Variants in XIRP2 observed in about 807,000 individuals in gnomAD.
XIRP2 encodes xin actin binding repeat containing 2.
A neutral mutation model predicts 277.0 loss-of-function variants in XIRP2; 236 were observed. The ratio of observed to expected loss-of-function variants is 0.85; its 90% CI spans 0.77 to 0.95. The LOEUF is 0.95. Among genes scored for constraint, XIRP2 ranks in the 40% least tolerant of loss-of-function variants. The probability of loss-of-function intolerance (pLI) is 0.00; values close to 1 mark genes in which losing one functional copy is unlikely to be tolerated. For synonymous variants in XIRP2, 1,490 were observed against 1,416.5 expected (o/e 1.05, Z -1.17); for missense variants, 4,640 against 4,157.5 (o/e 1.12, Z -3.19).
intron 3 of XIRP2, among the ~76,000 whole-genome samples, chr2:167,163,778 T>G (rs1008700019): frequency 3.9e-5 from 6 of 152,188 alleles, no homozygotes; most frequent in African/African-American, 1.4e-4. Flanking sequence ...AGTGTTATAG[T>G]TTTAGGTTTT....
intron 10 of XIRP2, among the ~76,000 whole-genome samples, chr2:167,255,747 G>A (rs938864898): frequency 5.3e-5 from 8 of 151,636 alleles, no homozygotes; most frequent in African/African-American, 1.9e-4. Flanking sequence ...TGCTTACCTT[G>A]ATGTTTCTGC....
At chr2:167,194,616 C>T (rs1305452386) in intron 3 of XIRP2, among the ~76,000 whole-genome samples, 1 of 152,052 alleles carries the variant, frequency 6.6e-6, no homozygotes, top group African/African-American at 2.4e-5. Context: ...AAATGAACTC[C>T]ACGTAACACT....
At chr2:166,913,574 A>G (rs574280512) in intron 2 of XIRP2, among the ~76,000 whole-genome samples, 2 of 152,188 alleles carry the variant, frequency 1.3e-5, no homozygotes, top group Non-Finnish European at 2.9e-5. Flanking sequence ...GTAGGAACAC[A>G]TGAGGCCTGT....
intron 2 of XIRP2, among the ~76,000 whole-genome samples, chr2:167,049,450 C>T (rs1688865017): frequency 6.7e-6 from 1 of 149,062 alleles, no homozygotes; most frequent in Non-Finnish European, 1.5e-5. Context: ...TTCTTGGTGG[C>T]TTTTGTTTAT....
At chr2:167,220,071 G>A (rs1234404736) in intron 5 of XIRP2, among the ~76,000 whole-genome samples, 3 of 152,062 alleles carry the variant, frequency 2.0e-5, no homozygotes, top group African/African-American at 7.2e-5. Context: ...GGGGAGTTTT[G>A]GAAACCAGAC....
chr2:167,011,065 C>T (rs1687664121), intron 2 of XIRP2, among the ~76,000 whole-genome samples: 1 of 151,678 alleles, frequency 6.6e-6, no homozygotes, highest in African/African-American at 2.4e-5. Context: ...CCCTTTATTT[C>T]CTTCTCCTGC....
rs368018009 is a variant in XIRP2, at chr2:167,251,011, A to G, written c.9619A>G (p.Ile3207Val). The G allele has an allele frequency of 3.7e-6, 6 of 1,613,546 alleles. No homozygotes were observed. Among genetic ancestry groups the G allele is most frequent in the Non-Finnish European group, 5.1e-6 (6 of 1,179,738 alleles). ...ATGTCCAGCAGCAACCCCGGTTCCA[A>G]TTGTAGAGAAGAGGTCTGAAATCAT... ...IPCPAATPVP[I>V]VEKRSEIIMS... Residue 3207 changes from isoleucine to valine, a missense_variant, in exon 9 of 11, where the codon ATT becomes GTT. Ile to Val is a conservative substitution (Grantham distance 29). Transcript: ENST00000409195.
chr2:166,902,386 CAAAG>C (rs1411541923), intron 1 of XIRP2, among the ~76,000 whole-genome samples: 1 of 151,966 alleles, frequency 6.6e-6, no homozygotes, highest in African/African-American at 2.4e-5. Flanking sequence ...GGCTGGTAGT[CAAAG>C]AAATTTGGAG....
At chr2:167,083,336 G>C (rs1201313984) in intron 2 of XIRP2, among the ~76,000 whole-genome samples, 1 of 152,152 alleles carries the variant, frequency 6.6e-6, no homozygotes, top group Non-Finnish European at 1.5e-5. Flanking sequence ...ATGCTGTTTT[G>C]GTTACTGTAG....
At chr2:167,214,118 GA>G (rs1694151162) in intron 4 of XIRP2, among the ~76,000 whole-genome samples, 1 of 122,024 alleles carries the variant, frequency 8.2e-6, no homozygotes, top group African/African-American at 3.7e-5. Context: ...AGGAAGGAAG[GA>G]AGGAAGGAAG....
intron 2 of XIRP2, among the ~76,000 whole-genome samples, chr2:166,994,908 G>A (rs1432769370): frequency 2.0e-5 from 3 of 151,308 alleles, no homozygotes; most frequent in Non-Finnish European, 2.9e-5. Flanking sequence ...TGAGAAAAAT[G>A]TGGGCTTTGA....
In XIRP2 at chr2:167,259,304, G is replaced by C; in HGVS notation, c.*1487G>C. On this transcript the variant is annotated 3_prime_UTR_variant, in exon 11 of 11. Transcript: ENST00000409195. Reference sequence around the variant, plus strand: ...GTTTCCCAGAGTGGAGGTGCAGTCAGAACAACTCACGGTGGAAGAGCAGAT... The same window carrying C: ...GTTTCCCAGAGTGGAGGTGCAGTCACAACAACTCACGGTGGAAGAGCAGAT... The C allele has an allele frequency of 6.2e-7, 1 of 1,613,010 alleles. No individual in the cohort carries two copies.
intron 3 of XIRP2, among the ~76,000 whole-genome samples, chr2:167,154,225 T>A (rs1453077168): frequency 4.0e-5 from 6 of 149,184 alleles, no homozygotes; most frequent in Non-Finnish European, 8.9e-5. Context: ...AAGTGTCTGT[T>A]CATATCCTTG....
chr2:166,924,477 C>T (rs1040026023), intron 2 of XIRP2, among the ~76,000 whole-genome samples: 1 of 151,796 alleles, frequency 6.6e-6, no homozygotes, highest in African/African-American at 2.4e-5. Context: ...TTTATAACTG[C>T]TAATTTTTTT....
chr2:167,184,522 T>A, intron 3 of XIRP2: 1 of 713,054 alleles, frequency 1.4e-6, no homozygotes, highest in African/African-American at 1.8e-5. Context: ...AAGGTTCTGC[T>A]GTTTTTCTGT....
chr2:167,112,140 G>GT (rs143599497), intron 2 of XIRP2, among the ~76,000 whole-genome samples: 9,206 of 151,908 alleles, frequency 0.061, 522 homozygotes, highest in African/African-American at 0.15. Flanking sequence ...CTTTGATATA[G>GT]TTTTTTGTGT....
At chr2:167,057,337 G>A (rs779512320) in intron 2 of XIRP2, among the ~76,000 whole-genome samples, 5 of 145,748 alleles carry the variant, frequency 3.4e-5, no homozygotes, top group African/African-American at 7.7e-5. Flanking sequence ...TTTCATGGGA[G>A]GAAATCACAC....
At chr2:167,188,289 G>T (rs923353361) in intron 3 of XIRP2, among the ~76,000 whole-genome samples, 1 of 152,148 alleles carries the variant, frequency 6.6e-6, no homozygotes, top group African/African-American at 2.4e-5. Flanking sequence ...ATGTTTAGAT[G>T]TTAGAGACTG....
In XIRP2 at chr2:167,137,178, G is replaced by T. The variant is rs201020056; in HGVS notation, c.562+1116G>T. Reference sequence around the variant, plus strand: ...TCCGTTTGGTTTAAGGATGTAATTTGGAGTGGGAGGCAGGTGTAGGAACAG... The same window carrying T: ...TCCGTTTGGTTTAAGGATGTAATTTTGAGTGGGAGGCAGGTGTAGGAACAG... On this transcript the variant is annotated intron_variant, in intron 3 of 10. Transcript: ENST00000409195. Among the ~76,000 whole-genome samples, 14 of 152,288 alleles carry T rather than the reference G, an allele frequency of 9.2e-5. No homozygotes were observed. In the East Asian group the frequency reaches 2.7e-3, roughly 29 times the overall value.
Sources: allele counts gnomAD v4.1 joint callset (sites outside exome capture counted in the v4.1 genomes callset), GRCh38; gene constraint gnomAD v4.1.1; transcripts MANE v1.5; gene names NCBI Gene and HGNC (gene_info 2026-07-23, HGNC 2026-07-21).